Variants in FMO1 observed in about 807,000 individuals in gnomAD.
FMO1 encodes flavin containing dimethylaniline monoxygenase 1.
Under a neutral mutation model 45.4 loss-of-function variants are expected in FMO1, and 36 were observed. The ratio of observed to expected loss-of-function variants is 0.79; its 90% CI spans 0.61 to 1.05. The LOEUF is 1.05. Ranked by LOEUF, FMO1 falls within the 50% of genes least tolerant of loss-of-function variation. FMO1 has a pLI of 0.00. For missense variants in FMO1, 615 were observed against 640.3 expected (o/e 0.96, Z 0.43); for synonymous variants, 228 against 227.2 (o/e 1.00, Z -0.03).
rs1330837863 is a variant in FMO1 at position 171,285,270 on chromosome 1, A to T, written c.1325A>T (p.Tyr442Phe). ...ACATACATAGATGAACTCCTGACCTATATCAATGCAAAACCCAACCTGTTC... is the reference window on the plus strand; with the variant it reads ...ACATACATAGATGAACTCCTGACCTTTATCAATGCAAAACCCAACCTGTTC... The part of the protein sequence containing the change: ...YITYIDELLT[Y>F]INAKPNLFSM... The change falls in exon 9 of 9, where the codon TAT becomes TTT. Residue 442 changes from tyrosine (Y) to phenylalanine (F), a missense_variant. By Grantham distance (22) the Tyr-to-Phe change is conservative (BLOSUM62 3). Transcript: ENST00000617670. 13 of 1,613,966 alleles carry T rather than the reference A, an allele frequency of 8.1e-6. No homozygotes were observed. Among genetic ancestry groups the T allele is most frequent in the Non-Finnish European group, 1.1e-5 (13 of 1,179,902 alleles).
intron 7 of FMO1, chr1:171,282,900 G>C: frequency 2.5e-6 from 1 of 405,886 alleles, no homozygotes; most frequent in Admixed American, 4.5e-5. Flanking sequence ...AGCCAAACTA[G>C]TTGTGAGATT....
intron 6 of FMO1, 93 bp from the exon 7 acceptor site, chr1:171,281,885 A>G (rs1661369750): frequency 1.5e-6 from 1 of 680,618 alleles, no homozygotes; most frequent in Admixed American, 2.8e-5. Context: ...AACCAAGGAG[A>G]GAGCCCCAGA....
chr1:171,283,668 G>T (rs1326969438), intron 8 of FMO1, among the ~76,000 whole-genome samples: 2 of 152,118 alleles, frequency 1.3e-5, no homozygotes, highest in Non-Finnish European at 2.9e-5. Context: ...TCGGAGTGTG[G>T]CTTTTGCTCT....
At chr1:171,254,434 C>A (rs1405303551) in intron 1 of FMO1, among the ~76,000 whole-genome samples, 1 of 152,098 alleles carries the variant, frequency 6.6e-6, no homozygotes, top group African/African-American at 2.4e-5. Context: ...TAAATGAATT[C>A]ATTTTACCCA....
intron 1 of FMO1, among the ~76,000 whole-genome samples, chr1:171,254,976 T>C (rs981965295): frequency 4.6e-5 from 7 of 152,256 alleles, no homozygotes; most frequent in Non-Finnish European, 1.0e-4. Context: ...ATTGCTGCTC[T>C]AGAGAAAGCG....
intron 2 of FMO1, among the ~76,000 whole-genome samples, chr1:171,265,471 A>T (rs1660581025): frequency 6.6e-6 from 1 of 152,202 alleles, no homozygotes; most frequent in African/African-American, 2.4e-5. Context: ...AAAAATACAA[A>T]ATGTAAATTT....
intron 8 of FMO1, among the ~76,000 whole-genome samples, chr1:171,284,013 C>T (rs1661509584): frequency 6.6e-6 from 1 of 152,168 alleles, no homozygotes; most frequent in Admixed American, 6.5e-5. Flanking sequence ...CAATGGAAGA[C>T]TGATGGCCAG....
chr1:171,273,964 A>G (rs963627579), intron 3 of FMO1, among the ~76,000 whole-genome samples: 1 of 152,100 alleles, frequency 6.6e-6, no homozygotes, highest in African/African-American at 2.4e-5. Context: ...CCTGGCTAAC[A>G]CGGCGAAACC....
Position 171,278,778 on chromosome 1 carries a change from T to TATAAG in FMO1, c.534_535insATAAG (p.Pro179IlefsTer13), listed in dbSNP as rs1428136344. 4.3e-6 allele frequency: 7 copies of TATAAG among 1,611,500 alleles called. No homozygotes were observed. The South Asian group carries it at 6.6e-5, about 15-fold the overall frequency. ...ACTTTCATAGCCGGCAATATAAGCA[T>TATAAG]CCAGATATATTTAAGGACAAGAGAG... On this transcript the variant is annotated frameshift_variant, in exon 5 of 9. Coordinates refer to ENST00000617670, the MANE Select transcript of FMO1 (RefSeq NM_001282693.2). LOFTEE classifies it high-confidence loss of function.
At position 171,279,019 on chromosome 1, in the gene FMO1, G is replaced by T; in HGVS notation, c.627+148G>T. 1.9e-5 allele frequency: 12 copies of T among 622,046 alleles called. No individual in the cohort carries two copies. In the South Asian group the frequency reaches 2.8e-4, roughly 14 times the overall value. The allele number at this position is 622,046 out of a possible 1,614,324, so 38.5% of individuals were successfully genotyped here. On this transcript the variant is annotated intron_variant, in intron 5 of 8. Coordinates refer to ENST00000617670, the MANE Select transcript of FMO1 (RefSeq NM_001282693.2). ...CTAAGGAATTTAATTTTTACTGAAT[G>T]TTCACAAATTTTTCTATGAATTGCA...
intron 2 of FMO1, among the ~76,000 whole-genome samples, chr1:171,264,955 G>A (rs543767211): frequency 3.9e-5 from 6 of 151,916 alleles, no homozygotes; most frequent in African/African-American, 1.4e-4. Context: ...GACTTACAGA[G>A]TCAGCATCCA....
chr1:171,257,869 G>A, intron 1 of FMO1: 1 of 527,428 alleles, frequency 1.9e-6, no homozygotes, highest in Non-Finnish European at 3.4e-6. Context: ...ATTTGGCACT[G>A]GTGCTGCATG....
intron 3 of FMO1, 78 bp from the exon 4 acceptor site, chr1:171,275,268 A>G: frequency 8.7e-7 from 1 of 1,148,384 alleles, no homozygotes; most frequent in Non-Finnish European, 1.3e-6. Context: ...AACTTTTAAA[A>G]TATCAATGGT....
At chr1:171,264,433 CTT>C (rs940290677) in intron 2 of FMO1, among the ~76,000 whole-genome samples, 1 of 150,944 alleles carries the variant, frequency 6.6e-6, no homozygotes, top group African/African-American at 2.4e-5. Context: ...AAAATATACT[CTT>C]AAAATTAATT....
At chr1:171,250,867 C>T (rs547525197) in intron 1 of FMO1, among the ~76,000 whole-genome samples, 1 of 152,088 alleles carries the variant, frequency 6.6e-6, no homozygotes, top group Non-Finnish European at 1.5e-5. Flanking sequence ...CTTAAAACTT[C>T]CAACAACGGA....
At chr1:171,255,411 C>T (rs1237392563) in intron 1 of FMO1, among the ~76,000 whole-genome samples, 3 of 152,216 alleles carry the variant, frequency 2.0e-5, no homozygotes, top group African/African-American at 7.2e-5. Context: ...CAGTCCCCTG[C>T]TCAAGGTCTC....
chr1:171,283,027 C>T (rs1661429452), intron 7 of FMO1, 117 bp from the exon 8 acceptor site: 1 of 664,196 alleles, frequency 1.5e-6, no homozygotes, highest in East Asian at 3.0e-5. Context: ...CCAGAAGGAT[C>T]AATGAGTAGC....
chr1:171,258,176 G>A lies in FMO1; in HGVS notation c.89G>A (p.Cys30Tyr), dbSNP rs777050491. The A allele has an allele frequency of 6.2e-7, 1 of 1,614,194 alleles. No homozygotes were observed. The highest frequency in any genetic ancestry group is 1.1e-5 in the South Asian group (1 of 91,084). Residue 30 changes from cysteine to tyrosine, a missense_variant, in exon 2 of 9, where the codon TGC (cysteine) becomes TAC (tyrosine). Transcript: ENST00000617670. ...CCLEEGLEPTCFERSDDLGGL... is the reference protein window; with the variant it reads ...CCLEEGLEPTYFERSDDLGGL... ...CTGGAAGAAGGACTGGAGCCCACCTGCTTTGAGAGGAGCGATGACCTTGGG... is the reference window on the plus strand; with the variant it reads ...CTGGAAGAAGGACTGGAGCCCACCTACTTTGAGAGGAGCGATGACCTTGGG...
intron 3 of FMO1, chr1:171,271,001 AATC>A (rs1253022647): frequency 1.0e-6 from 1 of 957,294 alleles, no homozygotes; most frequent in Non-Finnish European, 1.6e-6. Context: ...TCCTCATCAT[AATC>A]TTCTTCATCT....
Sources: allele counts gnomAD v4.1 joint callset (sites outside exome capture counted in the v4.1 genomes callset), GRCh38; gene constraint gnomAD v4.1.1; transcripts MANE v1.5; gene names NCBI Gene and HGNC (gene_info 2026-07-23, HGNC 2026-07-21).